The following NDUFS4 variants were observed in gnomAD, a reference collection of about 807,000 sequenced individuals.
The protein encoded by NDUFS4 is NADH:ubiquinone oxidoreductase subunit S4.
Under a neutral mutation model 24.3 loss-of-function variants are expected in NDUFS4, and 28 were observed. That is an observed-to-expected ratio of 1.15 (90% CI 0.85 to 1.58). The LOEUF (loss-of-function observed/expected upper bound fraction) is 1.58, where lower values mean the gene tolerates loss of function less well. Among genes scored for constraint, NDUFS4 ranks in the 40% most tolerant of loss-of-function variants. NDUFS4 has a pLI of 0.00. For missense variants in NDUFS4, 223 were observed against 207.9 expected (o/e 1.07, Z -0.45); for synonymous variants, 93 against 69.7 (o/e 1.34, Z -1.67).
chr5:53,621,924 T>A (rs1169705927), intron 2 of NDUFS4, among the ~76,000 whole-genome samples: 1 of 151,940 alleles, frequency 6.6e-6, no homozygotes, highest in Non-Finnish European at 1.5e-5. Context: ...ATGGTCTCGA[T>A]CTCCTGACCT....
intron 4 of NDUFS4, among the ~76,000 whole-genome samples, 153 bp from the exon 5 acceptor site, chr5:53,682,965 A>AAAT (rs113825476): frequency 7.6e-4 from 116 of 152,270 alleles, no homozygotes; most frequent in African/African-American, 2.6e-3. Flanking sequence ...ATAAGGGAAC[A>AAAT]AATAGTAAGT....
At chr5:53,650,994 T>C (rs979588834) in intron 3 of NDUFS4, among the ~76,000 whole-genome samples, 2 of 152,222 alleles carry the variant, frequency 1.3e-5, no homozygotes, top group African/African-American at 2.4e-5. Context: ...AAATGAGATA[T>C]ACTATATGTT....
chr5:53,585,549 C>T (rs1010975093), intron 1 of NDUFS4, among the ~76,000 whole-genome samples: 1 of 151,918 alleles, frequency 6.6e-6, no homozygotes, highest in African/African-American at 2.4e-5. Flanking sequence ...AGTTCGAGAC[C>T]AGCCTCAACA....
intron 2 of NDUFS4, among the ~76,000 whole-genome samples, chr5:53,617,571 C>T (rs573172756): frequency 2.5e-4 from 38 of 152,166 alleles, no homozygotes; most frequent in African/African-American, 9.2e-4. Flanking sequence ...TCTTTTTATT[C>T]CGTACTTCTG....
chr5:53,630,384 T>C (rs569639074), intron 2 of NDUFS4, among the ~76,000 whole-genome samples: 1 of 152,054 alleles, frequency 6.6e-6, no homozygotes, highest in Non-Finnish European at 1.5e-5. Context: ...GAGGAGTCTC[T>C]TTGTGGTGTT....
At position 53,623,958 on chromosome 5, in the gene NDUFS4, C is replaced by CT. The variant is rs1233061544; in HGVS notation, c.177+20429dup. Among the ~76,000 whole-genome samples, 15 of 152,194 alleles carry CT rather than the reference C, an allele frequency of 9.9e-5. No individual in the cohort carries two copies. In the East Asian group the frequency reaches 1.7e-3, roughly 18 times the overall value. On this transcript the variant is annotated intron_variant, in intron 2 of 4. Transcript: ENST00000296684. ...ACTCTTGAATTCCTGACCTCATGAT[C>CT]TGCCTGCCTCAGCCTCCCAAAGTGC...
intron 2 of NDUFS4, among the ~76,000 whole-genome samples, chr5:53,637,155 A>T (rs981833477): frequency 3.9e-5 from 6 of 152,080 alleles, no homozygotes; most frequent in African/African-American, 1.4e-4. Flanking sequence ...CAAGCCAAGG[A>T]CTCTTCATAA....
intron 2 of NDUFS4, among the ~76,000 whole-genome samples, chr5:53,624,760 A>G (rs1206259676): frequency 5.9e-5 from 9 of 152,162 alleles, no homozygotes; most frequent in Non-Finnish European, 1.2e-4. Context: ...CACATATGTC[A>G]TCTGGGAACA....
intron 3 of NDUFS4, among the ~76,000 whole-genome samples, chr5:53,649,106 A>G (rs182991868): frequency 1.8e-4 from 27 of 152,282 alleles, no homozygotes; most frequent in East Asian, 1.5e-3. Context: ...TTTTCTTTCT[A>G]TCTTGTGTTT....
At position 53,683,189 on chromosome 5, in the gene NDUFS4, T is replaced by A; in HGVS notation, c.496T>A (p.Trp166Arg). 1.2e-6 allele frequency: 2 copies of A among 1,611,844 alleles called. No homozygotes were observed. The highest frequency in any genetic ancestry group is 1.7e-6 in the Non-Finnish European group (2 of 1,178,288). The change falls in exon 5 of 5, where the codon TGG becomes AGG. Residue 166 changes from tryptophan (W) to arginine (R), a missense_variant. Physicochemically the swap from Trp to Arg is moderately radical, Grantham distance 101. Transcript: ENST00000296684. ...KSKSYGANFS[W>R]NKRTRVSTK ...CAAGTCTTATGGTGCAAACTTTTCT[T>A]GGAACAAAAGAACAAGAGTATCCAC...
chr5:53,604,205 G>A (rs1009098380), intron 2 of NDUFS4, among the ~76,000 whole-genome samples: 7 of 152,144 alleles, frequency 4.6e-5, no homozygotes, highest in Non-Finnish European at 5.9e-5. Flanking sequence ...ATAGAAATGA[G>A]TAATTGTATA....
At chr5:53,572,961 T>G (rs1382946811) in intron 1 of NDUFS4, among the ~76,000 whole-genome samples, 3 of 93,328 alleles carry the variant, frequency 3.2e-5, no homozygotes, top group African/African-American at 1.2e-4. Context: ...TTTTTTGTTT[T>G]TTTTTTTTGT....
chr5:53,631,106 C>T (rs1751396506), intron 2 of NDUFS4, among the ~76,000 whole-genome samples: 1 of 152,126 alleles, frequency 6.6e-6, no homozygotes, highest in Non-Finnish European at 1.5e-5. Context: ...GTATTCCTTT[C>T]TGTTTGTTAG....
chr5:53,647,818 T>C (rs756750663), intron 3 of NDUFS4, among the ~76,000 whole-genome samples: 3 of 152,188 alleles, frequency 2.0e-5, no homozygotes, highest in Non-Finnish European at 4.4e-5. Flanking sequence ...GCCTGTTGAT[T>C]ACTTGGGAGA....
intron 4 of NDUFS4, among the ~76,000 whole-genome samples, chr5:53,669,033 A>G (rs546892290): frequency 2.0e-5 from 3 of 152,304 alleles, no homozygotes; most frequent in South Asian, 4.1e-4. Context: ...ATTCATTTAT[A>G]TATAGTCTAT....
chr5:53,658,814 GA>G (rs1752239598), intron 4 of NDUFS4, 190 bp downstream of exon 4: 5 of 559,578 alleles, frequency 8.9e-6, no homozygotes, highest in Non-Finnish European at 1.6e-5. Context: ...ACCTAAATTG[GA>G]ATGCTCATAC....
intron 1 of NDUFS4, among the ~76,000 whole-genome samples, chr5:53,575,193 C>G (rs544938786): frequency 6.6e-6 from 1 of 152,108 alleles, no homozygotes; most frequent in African/African-American, 2.4e-5. Context: ...TGTTTCCAGC[C>G]GCATTTAAGT....
intron 1 of NDUFS4, among the ~76,000 whole-genome samples, chr5:53,574,849 T>C (rs950407053): frequency 6.6e-6 from 1 of 152,066 alleles, no homozygotes; most frequent in Non-Finnish European, 1.5e-5. Flanking sequence ...TCCAGAAAAT[T>C]GTGGCTATCA....
intron 2 of NDUFS4, chr5:53,604,677 A>G (rs749394130): frequency 6.5e-5 from 29 of 448,400 alleles, no homozygotes; most frequent in Non-Finnish European, 1.1e-4. Context: ...AAATCCTAAC[A>G]TGGTCTTTGA....
Sources: gnomAD v4.1 joint callset for allele counts (sites outside exome capture counted in the v4.1 genomes callset) on GRCh38, gnomAD v4.1.1 for gene constraint, MANE v1.5 for transcripts, NCBI Gene and HGNC (gene_info 2026-07-23, HGNC 2026-07-21) for gene names.